The following MAGI1 variants were observed in gnomAD, a reference collection of about 807,000 sequenced individuals.
MAGI1 encodes membrane associated guanylate kinase, WW and PDZ domain containing 1, also known as membrane-associated guanylate kinase, WW and PDZ domain-containing protein 1.
In MAGI1, 58 loss-of-function variants were observed where a neutral mutation model predicts 139.9. That is an observed-to-expected ratio of 0.41 (90% CI 0.34 to 0.52). The LOEUF (loss-of-function observed/expected upper bound fraction) is 0.52, where lower values mean the gene tolerates loss of function less well. MAGI1 is among the 20% of genes least tolerant of loss of function. The probability of loss-of-function intolerance (pLI) is 0.12; values close to 1 mark genes in which losing one functional copy is unlikely to be tolerated. For synonymous variants in MAGI1, 812 were observed against 737.9 expected (o/e 1.10, Z -1.63); for missense variants, 1,874 against 1,901.6 (o/e 0.99, Z 0.27).
At chr3:65,588,563 T>C (rs905689967) in intron 2 of MAGI1, among the ~76,000 whole-genome samples, 3 of 152,218 alleles carry the variant, frequency 2.0e-5, no homozygotes, top group Admixed American at 6.5e-5. Flanking sequence ...AGATGGGCAG[T>C]TCAAATTCTA....
At chr3:65,707,752 A>C (rs1254702215) in intron 1 of MAGI1, among the ~76,000 whole-genome samples, 1 of 151,644 alleles carries the variant, frequency 6.6e-6, no homozygotes, top group Non-Finnish European at 1.5e-5. Context: ...TTATTAAGCC[A>C]CAAAGATAAA....
intron 1 of MAGI1, among the ~76,000 whole-genome samples, chr3:65,970,572 A>C (rs1460128792): frequency 1.3e-5 from 2 of 152,134 alleles, no homozygotes; most frequent in East Asian, 3.9e-4. Context: ...TGGTGGACTG[A>C]ACCATTGCTC....
intron 2 of MAGI1, among the ~76,000 whole-genome samples, chr3:65,597,042 C>G (rs2082240523): frequency 6.6e-6 from 1 of 152,152 alleles, no homozygotes; most frequent in Non-Finnish European, 1.5e-5. Context: ...ATTTGCCCAC[C>G]GCGCTGCCCG....
At chr3:65,610,596 A>G (rs1324215513) in intron 2 of MAGI1, among the ~76,000 whole-genome samples, 1 of 151,736 alleles carries the variant, frequency 6.6e-6, no homozygotes, top group Non-Finnish European at 1.5e-5. Context: ...GAAATAAGGA[A>G]TATGTATCCC....
chr3:65,609,262 A>ATC (rs780824422), intron 2 of MAGI1, among the ~76,000 whole-genome samples: 9 of 149,916 alleles, frequency 6.0e-5, no homozygotes, highest in African/African-American at 1.7e-4. Context: ...TTTCATCTCT[A>ATC]TCTCTCTCTC....
At chr3:65,992,874 G>A (rs1047589998) in intron 1 of MAGI1, among the ~76,000 whole-genome samples, 3 of 152,120 alleles carry the variant, frequency 2.0e-5, no homozygotes, top group African/African-American at 7.2e-5. Flanking sequence ...CACCTAGGCT[G>A]GAGTGAAGTG....
At chr3:65,389,089 C>T (rs953050120) in intron 14 of MAGI1, among the ~76,000 whole-genome samples, 33 of 151,948 alleles carry the variant, frequency 2.2e-4, no homozygotes, top group Middle Eastern at 3.4e-3. Context: ...GTGATCCGCC[C>T]GCCTCAGCCT....
intron 1 of MAGI1, among the ~76,000 whole-genome samples, chr3:65,679,289 T>C (rs1020516004): frequency 1.3e-5 from 2 of 152,334 alleles, no homozygotes; most frequent in East Asian, 3.9e-4. Flanking sequence ...GACTACTTCA[T>C]CTCAGGACCA....
At chr3:65,900,844 A>G (rs845312) in intron 1 of MAGI1, among the ~76,000 whole-genome samples, 43,328 of 152,128 alleles carry the variant, frequency 0.28, 6,330 homozygotes, top group East Asian at 0.33. Flanking sequence ...TTACAATCAG[A>G]ACTAAGAGAT....
intron 1 of MAGI1, among the ~76,000 whole-genome samples, chr3:65,788,951 G>A (rs1305326291): frequency 1.3e-5 from 2 of 152,108 alleles, no homozygotes; most frequent in South Asian, 2.1e-4. Flanking sequence ...GCCAATCCAG[G>A]AGAATCCGTT....
chr3:65,635,781 G>A (rs2084580531), intron 1 of MAGI1, among the ~76,000 whole-genome samples: 1 of 152,164 alleles, frequency 6.6e-6, no homozygotes, highest in African/African-American at 2.4e-5. Context: ...TTCACAGACT[G>A]GAATAGATAA....
Position 65,429,739 on chromosome 3 carries a change from G to A in MAGI1, c.1948C>T (p.Pro650Ser), listed in dbSNP as rs368984076. The stretch of plus-strand genomic sequence containing the variant: ...GCGATAGTAAAACCAAAGCCCATTG[G>A]CCCTTTGACAATATGAACAGTTATG... Reference protein sequence around the residue: ...ELITVHIVKGPMGFGFTIADS... With the variant: ...ELITVHIVKGSMGFGFTIADS... The change falls in exon 12 of 23, where the codon CCA becomes TCA. Residue 650 changes from proline (P) to serine (S), a missense_variant. Transcript: ENST00000402939. The A allele has an allele frequency of 1.9e-6, 3 of 1,613,790 alleles. No individual in the cohort carries two copies. The highest frequency in any genetic ancestry group is 1.1e-5 in the South Asian group (1 of 91,088).
chr3:65,920,467 T>C (rs913211243), intron 1 of MAGI1, among the ~76,000 whole-genome samples: 4 of 152,192 alleles, frequency 2.6e-5, no homozygotes, highest in Non-Finnish European at 4.4e-5. Context: ...TAAGGTATAA[T>C]ACATGTGTCA....
At chr3:65,701,507 C>G (rs1311450678) in intron 1 of MAGI1, among the ~76,000 whole-genome samples, 1 of 152,212 alleles carries the variant, frequency 6.6e-6, no homozygotes, top group South Asian at 2.1e-4. Flanking sequence ...CCTGCCTCGA[C>G]CTCCCAAAAT....
At chr3:65,646,399 T>C (rs2085261525) in intron 1 of MAGI1, among the ~76,000 whole-genome samples, 1 of 151,706 alleles carries the variant, frequency 6.6e-6, no homozygotes, top group Non-Finnish European at 1.5e-5. Context: ...AAATACATAA[T>C]GCAATAACTG....
intron 1 of MAGI1, among the ~76,000 whole-genome samples, chr3:66,022,165 T>C (rs2068003007): frequency 6.6e-6 from 1 of 152,188 alleles, no homozygotes; most frequent in South Asian, 2.1e-4. Flanking sequence ...CATTAATGGC[T>C]TCTTCTCACA....
intron 1 of MAGI1, among the ~76,000 whole-genome samples, chr3:65,957,520 C>CAAAAAAAAA (rs761240940): frequency 1.3e-4 from 4 of 31,016 alleles, no homozygotes; most frequent in African/African-American, 3.4e-4. Flanking sequence ...GACTTCATCT[C>CAAAAAAAAA]AAAAAAAAAA....
rs150017785 is a variant in MAGI1 at position 65,563,433 on chromosome 3, G to A, written c.430+58539C>T. On this transcript the variant is annotated intron_variant, in intron 2 of 22. Transcript: ENST00000402939. ...TGAAGAGAGCTGGCCTGATGTTGCA[G>A]AAATGATGGAATGTGATTCCTGAAG... Among the ~76,000 whole-genome samples, 97 of 152,256 alleles carry A rather than the reference G, an allele frequency of 6.4e-4. No individual in the cohort carries two copies. The Middle Eastern group carries it at 0.014, about 21-fold the overall frequency.
intron 1 of MAGI1, among the ~76,000 whole-genome samples, chr3:66,028,731 C>T (rs963128942): frequency 1.3e-5 from 2 of 152,138 alleles, no homozygotes; most frequent in African/African-American, 4.8e-5. Context: ...GTGGGAGAAA[C>T]TCGGGCAACT....
Sources: allele counts gnomAD v4.1 joint callset (sites outside exome capture counted in the v4.1 genomes callset), GRCh38; gene constraint gnomAD v4.1.1; transcripts MANE v1.5; gene names NCBI Gene and HGNC (gene_info 2026-07-23, HGNC 2026-07-21).